The following FAT3 variants were observed in gnomAD, a reference collection of about 807,000 sequenced individuals.
The protein encoded by FAT3 is FAT atypical cadherin 3.
In FAT3, 95 loss-of-function variants were observed where a neutral mutation model predicts 310.2. The ratio of observed to expected loss-of-function variants is 0.31; its 90% CI spans 0.26 to 0.36. The LOEUF (loss-of-function observed/expected upper bound fraction) is 0.36, where lower values mean the gene tolerates loss of function less well. FAT3 is among the 10% of genes least tolerant of loss of function. The pLI, the probability that FAT3 is intolerant of heterozygous loss-of-function variation, is 1.00. For missense variants in FAT3, 5,408 were observed against 5,715.6 expected, an observed-to-expected ratio of 0.95 and a Z score of 1.74; for synonymous variants, 2,314 against 2,192.9, an observed-to-expected ratio of 1.06 and a Z score of -1.54.
chr11:92,549,578 G>T (rs1440482251), intron 3 of FAT3, among the ~76,000 whole-genome samples: 1 of 147,218 alleles, frequency 6.8e-6, no homozygotes, highest in East Asian at 2.1e-4. Context: ...TAAGGTACAG[G>T]TTGATGATGA....
chr11:92,695,277 C>T (rs948825162), intron 3 of FAT3, among the ~76,000 whole-genome samples: 1 of 152,110 alleles, frequency 6.6e-6, no homozygotes, highest in Non-Finnish European at 1.5e-5. Flanking sequence ...CAGGCCTCAC[C>T]CCAAGAGATT....
chr11:92,506,948 C>T (rs931594069), intron 2 of FAT3, among the ~76,000 whole-genome samples: 1 of 152,204 alleles, frequency 6.6e-6, no homozygotes, highest in Non-Finnish European at 1.5e-5. Context: ...CTTTTCTCCT[C>T]TTCTTTTCCC....
intron 3 of FAT3, among the ~76,000 whole-genome samples, chr11:92,530,607 G>A (rs965053804): frequency 1.3e-5 from 2 of 152,074 alleles, no homozygotes; most frequent in African/African-American, 2.4e-5. Context: ...CCTGGGTCAC[G>A]TAATGTTTGG....
At chr11:92,580,172 T>A (rs1364621762) in intron 3 of FAT3, among the ~76,000 whole-genome samples, 1 of 152,036 alleles carries the variant, frequency 6.6e-6, no homozygotes, top group Admixed American at 6.6e-5. Context: ...TGAGTATGAA[T>A]AATGCCCCAT....
chr11:92,736,246 A>G (rs916808164), intron 4 of FAT3, among the ~76,000 whole-genome samples: 2 of 152,164 alleles, frequency 1.3e-5, no homozygotes, highest in Non-Finnish European at 2.9e-5. Context: ...TCGCCAGCAG[A>G]GGGTTCAAGT....
At position 92,799,709 on chromosome 11, in the gene FAT3, C is replaced by T; in HGVS notation, c.6696C>T (p.Asn2232=). Reference sequence around the variant, plus strand: ...ATGGGGACCCTTTTAAACAGTTTAACATTGACTTTGACACTGGGGTCCTGA... The same window carrying T: ...ATGGGGACCCTTTTAAACAGTTTAATATTGACTTTGACACTGGGGTCCTGA... The part of the protein sequence containing the change: ...IIDGDPFKQF[N]IDFDTGVLKV... The change falls in exon 10 of 28, where the codon AAC becomes AAT. Residue 2232 remains asparagine, a synonymous_variant. Transcript: ENST00000525166. 1 of 1,613,098 alleles carries T rather than the reference C, an allele frequency of 6.2e-7. No homozygotes were observed. The highest frequency in any genetic ancestry group is 2.2e-5 in the East Asian group (1 of 44,810).
At chr11:92,373,300 C>G (rs971425017) in intron 2 of FAT3, among the ~76,000 whole-genome samples, 4 of 152,168 alleles carry the variant, frequency 2.6e-5, no homozygotes, top group Non-Finnish European at 5.9e-5. Flanking sequence ...GAGGTAGGTA[C>G]TCTTACTGCT....
At position 92,600,157 on chromosome 11, in the gene FAT3, T is replaced by C. The variant is rs114942816; in HGVS notation, c.3607+75209T>C. Reference sequence around the variant, plus strand: ...TTATCTCTTATTCTTAGTTATCACTTACTGTAGTCAGAACCTGCTTCTGGC... The same window carrying C: ...TTATCTCTTATTCTTAGTTATCACTCACTGTAGTCAGAACCTGCTTCTGGC... On this transcript the variant is annotated intron_variant, in intron 3 of 27. Transcript: ENST00000525166. 6.7e-3 allele frequency among the ~76,000 whole-genome samples: 1,016 copies of C among 152,352 alleles called. 13 individuals are homozygous for C. Among genetic ancestry groups the C allele is most frequent in the African/African-American group, 0.023 (963 of 41,582 alleles).
intron 19 of FAT3, among the ~76,000 whole-genome samples, chr11:92,855,839 G>A (rs1948960862): frequency 6.6e-6 from 1 of 152,078 alleles, no homozygotes; most frequent in South Asian, 2.1e-4. Context: ...GTGGAAAATG[G>A]GATTTATGAA....
At chr11:92,815,535 C>T (rs1163902627) in intron 13 of FAT3, among the ~76,000 whole-genome samples, 59 of 151,570 alleles carry the variant, frequency 3.9e-4, no homozygotes, top group Non-Finnish European at 5.9e-5. Context: ...ATCACGCCAC[C>T]GCACTCCAGC....
intron 10 of FAT3, 53 bp downstream of exon 10, chr11:92,801,962 G>A: frequency 2.7e-6 from 4 of 1,508,270 alleles, no homozygotes; most frequent in Non-Finnish European, 1.8e-6. Context: ...AAAGAAAGAT[G>A]GAAGATGGCG....
chr11:92,658,142 G>A (rs1320717209), intron 3 of FAT3, among the ~76,000 whole-genome samples: 1 of 152,024 alleles, frequency 6.6e-6, no homozygotes, highest in African/African-American at 2.4e-5. Context: ...TGCATTTTAC[G>A]CTAACAGCAC....
chr11:92,855,772 A>G (rs541920674), intron 19 of FAT3, among the ~76,000 whole-genome samples: 5 of 152,166 alleles, frequency 3.3e-5, no homozygotes, highest in Admixed American at 6.5e-5. Flanking sequence ...TCATCTTCTA[A>G]GACTTTGTAA....
chr11:92,227,639 G>A (rs143412264), intron 1 of FAT3, among the ~76,000 whole-genome samples: 3 of 152,164 alleles, frequency 2.0e-5, no homozygotes, highest in Non-Finnish European at 4.4e-5. Context: ...AGAAGGAAAG[G>A]AAGGGAGGAG....
chr11:92,465,346 GTTT>G (rs1165163768), intron 2 of FAT3, among the ~76,000 whole-genome samples: 2 of 152,154 alleles, frequency 1.3e-5, no homozygotes, highest in African/African-American at 4.8e-5. Context: ...ATTGAATTGA[GTTT>G]CCAGGGACTG....
chr11:92,572,799 T>C lies in FAT3; in HGVS notation c.3607+47851T>C, dbSNP rs141336834. On this transcript the variant is annotated intron_variant, in intron 3 of 27. Transcript: ENST00000525166. ...TCCATAATATACACTGAATTTTTAG[T>C]ACTTATAATTTAAGCATTTGATTTC... Among the ~76,000 whole-genome samples, 765 of 152,316 alleles carry C rather than the reference T, an allele frequency of 5.0e-3. 5 individuals carry two copies. The highest frequency in any genetic ancestry group is 0.018 in the African/African-American group (745 of 41,576).
intron 3 of FAT3, among the ~76,000 whole-genome samples, chr11:92,573,009 A>G (rs1938263741): frequency 6.6e-6 from 1 of 152,174 alleles, no homozygotes; most frequent in South Asian, 2.1e-4. Flanking sequence ...ACAAAATTGA[A>G]GGAAGCCATT....
At position 92,818,357 on chromosome 11, in the gene FAT3, C is replaced by T. The variant is rs758783907; in HGVS notation, c.9481+8281C>T. ...ATCCTGAAGCATCCTTTTTCACTGG[C>T]ATCAGTATGTGAGTGTGTGGGACAG... On this transcript the variant is annotated intron_variant, in intron 13 of 27. Coordinates refer to ENST00000525166, the MANE Select transcript of FAT3 (RefSeq NM_001367949.2). 2.7e-4 allele frequency among the ~76,000 whole-genome samples: 41 copies of T among 151,982 alleles called. 1 individual carries two copies. Among genetic ancestry groups the T allele is most frequent in the Non-Finnish European group, 4.6e-4 (31 of 68,006 alleles).
chr11:92,784,535 C>T (rs776122024), intron 7 of FAT3, among the ~76,000 whole-genome samples: 89 of 152,128 alleles, frequency 5.9e-4, no homozygotes, highest in Non-Finnish European at 9.4e-4. Flanking sequence ...CTGCAAAACC[C>T]GAAGTGTTTG....
Sources: allele counts gnomAD v4.1 joint callset (sites outside exome capture counted in the v4.1 genomes callset), GRCh38; gene constraint gnomAD v4.1.1; transcripts MANE v1.5; gene names NCBI Gene and HGNC (gene_info 2026-07-23, HGNC 2026-07-21).